VPS13B: variants seen among roughly 807,000 people sequenced by gnomAD.
VPS13B encodes intermembrane lipid transfer protein VPS13B.
In VPS13B, 285 loss-of-function variants were observed where a neutral mutation model predicts 426.4. The observed-to-expected ratio is 0.67, with a 90% CI of 0.61 to 0.74. The LOEUF (loss-of-function observed/expected upper bound fraction) is 0.74, where lower values mean the gene tolerates loss of function less well. Among genes scored for constraint, VPS13B ranks in the 30% least tolerant of loss-of-function variants. The pLI, the probability that VPS13B is intolerant of heterozygous loss-of-function variation, is 0.00. For synonymous variants in VPS13B, 1,676 were observed against 1,676.4 expected (o/e 1.00, Z 0.01); for missense variants, 4,537 against 4,782.6 (o/e 0.95, Z 1.51).
At chr8:99,110,026 A>G (rs1217806462) in intron 5 of VPS13B, among the ~76,000 whole-genome samples, 1 of 152,174 alleles carries the variant, frequency 6.6e-6, no homozygotes, top group Non-Finnish European at 1.5e-5. Flanking sequence ...TAGTAACTAA[A>G]TCATTATTCA....
chr8:99,872,375 C>T lies in VPS13B; in HGVS notation c.11745+678C>T, dbSNP rs144919799. 4.6e-5 allele frequency among the ~76,000 whole-genome samples: 7 copies of T among 152,306 alleles called. No homozygotes were observed. The South Asian group carries it at 1.0e-3, about 23-fold the overall frequency. ...TTTCCCACAGGATAGTTTCCCACCCCCTGAGTACCACAGAATCCCCCCTGG... is the reference window on the plus strand; with the variant it reads ...TTTCCCACAGGATAGTTTCCCACCCTCTGAGTACCACAGAATCCCCCCTGG... On this transcript the variant is annotated intron_variant, in intron 61 of 61. Transcript: ENST00000357162.
intron 3 of VPS13B, among the ~76,000 whole-genome samples, chr8:99,049,804 T>C (rs999525208): frequency 6.6e-6 from 1 of 151,872 alleles, no homozygotes; most frequent in Non-Finnish European, 1.5e-5. Flanking sequence ...GGAATGCCAA[T>C]TATTCTTAGG....
At chr8:99,367,965 T>C (rs781525755) in intron 19 of VPS13B, among the ~76,000 whole-genome samples, 12 of 152,164 alleles carry the variant, frequency 7.9e-5, no homozygotes, top group African/African-American at 1.2e-4. Context: ...TTTGGTTCCA[T>C]TTTTAAAGGG....
intron 35 of VPS13B, chr8:99,696,195 G>T: frequency 5.7e-6 from 1 of 176,784 alleles, no homozygotes. Flanking sequence ...CACTCTTCAC[G>T]CCGTGTCTCT....
chr8:99,711,976 GT>G (rs1188048879), intron 36 of VPS13B, among the ~76,000 whole-genome samples: 1 of 152,188 alleles, frequency 6.6e-6, no homozygotes, highest in African/African-American at 2.4e-5. Flanking sequence ...ATTAGGCCTG[GT>G]TTTAGATACT....
Position 99,874,644 on chromosome 8 carries a change from A to G in VPS13B, c.11746-774A>G, listed in dbSNP as rs188987360. Among the ~76,000 whole-genome samples, 6 of 152,158 alleles carry G rather than the reference A, an allele frequency of 3.9e-5. No individual in the cohort carries two copies. The East Asian group carries it at 1.2e-3, about 29-fold the overall frequency. On this transcript the variant is annotated intron_variant, in intron 61 of 61. Transcript: ENST00000357162. ...ACTTCCCACTCCACTTGATCTACACACTAGATAGCTAAAGGACTTCAGGGT... is the reference window on the plus strand; with the variant it reads ...ACTTCCCACTCCACTTGATCTACACGCTAGATAGCTAAAGGACTTCAGGGT...
chr8:99,671,793 G>C (rs113066936), intron 35 of VPS13B, among the ~76,000 whole-genome samples: 205 of 152,088 alleles, frequency 1.3e-3, no homozygotes, highest in African/African-American at 4.7e-3. Flanking sequence ...AAGTTTAGTT[G>C]ACTTTTGTAC....
In VPS13B at chr8:99,185,429, A is replaced by G. The variant is rs1813168766; in HGVS notation, c.2334-7447A>G. On this transcript the variant is annotated intron_variant, in intron 16 of 61. Coordinates refer to ENST00000357162, the MANE Select transcript of VPS13B (RefSeq NM_152564.5). Reference sequence around the variant, plus strand: ...AAGTAGTCACTGTGTAAAGAAATATACATCTTAGCTTTTTAAACTGTTTTC... The same window carrying G: ...AAGTAGTCACTGTGTAAAGAAATATGCATCTTAGCTTTTTAAACTGTTTTC... 2.0e-5 allele frequency among the ~76,000 whole-genome samples: 3 copies of G among 152,218 alleles called. No individual in the cohort carries two copies. The South Asian group carries it at 6.2e-4, about 31-fold the overall frequency.
At chr8:99,598,020 A>C (rs1286425667) in intron 33 of VPS13B, among the ~76,000 whole-genome samples, 1 of 152,046 alleles carries the variant, frequency 6.6e-6, no homozygotes, top group Non-Finnish European at 1.5e-5. Context: ...ACTTCAAAAG[A>C]ATTGGAAGAA....
chr8:99,448,718 C>T lies in VPS13B; in HGVS notation c.3445+6083C>T, dbSNP rs192179200. Among the ~76,000 whole-genome samples, 224 of 152,172 alleles carry T rather than the reference C, an allele frequency of 1.5e-3. 2 individuals carry two copies. Among genetic ancestry groups the T allele is most frequent in the Admixed American group, 3.4e-3 (52 of 15,266 alleles). On this transcript the variant is annotated intron_variant, in intron 23 of 61. Transcript: ENST00000357162. ...TCTTTTATAGCTTCCTTCTCTGGTC[C>T]TCAGTCATTTGCTATTTACACACAT...
chr8:99,502,721 T>C (rs1430193801), intron 26 of VPS13B, 115 bp from the exon 27 acceptor site: 11 of 815,934 alleles, frequency 1.3e-5, no homozygotes, highest in Admixed American at 1.8e-5. Flanking sequence ...GCTTTTGTGA[T>C]CTCAGCGCCT....
intron 8 of VPS13B, among the ~76,000 whole-genome samples, chr8:99,129,799 G>A (rs1024549406): frequency 2.0e-5 from 3 of 152,008 alleles, no homozygotes; most frequent in East Asian, 1.9e-4. Flanking sequence ...TATATTCAAC[G>A]GAATCAGTCA....
intron 54 of VPS13B, among the ~76,000 whole-genome samples, chr8:99,846,116 A>T (rs1815969125): frequency 6.6e-6 from 1 of 152,196 alleles, no homozygotes; most frequent in Admixed American, 6.5e-5. Flanking sequence ...CATTGAGAAG[A>T]TGTATGTTCA....
chr8:99,697,800 G>A, intron 35 of VPS13B: 1 of 616,112 alleles, frequency 1.6e-6, no homozygotes, highest in Non-Finnish European at 3.1e-6. Flanking sequence ...AAGCAAGTCA[G>A]GCACATTCCA....
chr8:99,572,831 C>G (rs1441257034), intron 31 of VPS13B, among the ~76,000 whole-genome samples: 1 of 152,124 alleles, frequency 6.6e-6, no homozygotes, highest in East Asian at 1.9e-4. Flanking sequence ...AATGGGATGG[C>G]TGGGTCAAAT....
At chr8:99,478,462 T>G (rs57960446) in intron 24 of VPS13B, among the ~76,000 whole-genome samples, 38,295 of 122,476 alleles carry the variant, frequency 0.31, 4,882 homozygotes, top group East Asian at 0.4. Context: ...TTTTTTTTTT[T>G]TTTGTTTTTT....
At chr8:99,095,944 T>C (rs1846390754) in intron 3 of VPS13B, among the ~76,000 whole-genome samples, 1 of 152,140 alleles carries the variant, frequency 6.6e-6, no homozygotes, top group Non-Finnish European at 1.5e-5. Context: ...GGGGAAAAAT[T>C]AAGAACCTTT....
chr8:99,716,704 G>A (rs745831952), intron 36 of VPS13B, among the ~76,000 whole-genome samples: 5 of 152,062 alleles, frequency 3.3e-5, no homozygotes, highest in Non-Finnish European at 1.5e-5. Flanking sequence ...GAAAACACAC[G>A]TTATATATTT....
chr8:99,221,708 C>G (rs1815734083), intron 17 of VPS13B, among the ~76,000 whole-genome samples: 1 of 151,974 alleles, frequency 6.6e-6, no homozygotes, highest in African/African-American at 2.4e-5. Flanking sequence ...AAATCAGTAC[C>G]TCAGCTATTT....
Sources: gnomAD v4.1 joint callset for allele counts (sites outside exome capture counted in the v4.1 genomes callset) on GRCh38, gnomAD v4.1.1 for gene constraint, MANE v1.5 for transcripts, NCBI Gene and HGNC (gene_info 2026-07-23, HGNC 2026-07-21) for gene names.